ADGRV1: variants seen among roughly 807,000 people sequenced by gnomAD.
The protein encoded by ADGRV1 is G-protein coupled receptor 98.
ADGRV1 carries 359 observed loss-of-function variants against 596.2 expected under a neutral mutation model. The ratio of observed to expected loss-of-function variants is 0.60; its 90% CI spans 0.55 to 0.66. The LOEUF (loss-of-function observed/expected upper bound fraction) is 0.66. Ranked by LOEUF, ADGRV1 falls within the 30% of genes least tolerant of loss-of-function variation. The pLI is 0.00. For synonymous variants in ADGRV1, 2,681 were observed against 2,679.2 expected (o/e 1.00, Z -0.02); for missense variants, 7,274 against 7,575.6 (o/e 0.96, Z 1.48).
chr5:90,858,298 G>A (rs896809206), intron 82 of ADGRV1, among the ~76,000 whole-genome samples: 6 of 152,162 alleles, frequency 3.9e-5, no homozygotes, highest in Non-Finnish European at 5.9e-5. Flanking sequence ...TAATTTTGTA[G>A]TATAATTATT....
chr5:90,568,111 T>C (rs1283471389), intron 1 of ADGRV1, among the ~76,000 whole-genome samples: 1 of 152,166 alleles, frequency 6.6e-6, no homozygotes, highest in Non-Finnish European at 1.5e-5. Context: ...TTCTATATTT[T>C]ATTTGTTCCC....
chr5:90,880,744 A>G (rs1769682591), intron 83 of ADGRV1, among the ~76,000 whole-genome samples: 1 of 152,202 alleles, frequency 6.6e-6, no homozygotes. Context: ...ACGTGCACAA[A>G]CTTGTAACAA....
rs774530431 is a variant in ADGRV1, at chr5:90,646,025, A to G, written c.2956A>G (p.Lys986Glu). Residue 986 changes from lysine to glutamate, a missense_variant, in exon 16 of 90, where the codon AAA (lysine) becomes GAA (glutamate). This residue lies in a region of ADGRV1 where 1,715 missense variants were observed against 1,708.8 expected (regional missense o/e 1.00). Transcript: ENST00000405460. ...VILLNGTGGA[K>E]VGNRTTATLR... ...CCTACTGAATGGCACTGGAGGAGCT[A>G]AAGTGGGAAATAGAACAACTGCAAC... 7.7e-5 allele frequency: 124 copies of G among 1,606,960 alleles called. No individual in the cohort carries two copies. Among genetic ancestry groups the G allele is most frequent in the Non-Finnish European group, 1.0e-4 (118 of 1,176,012 alleles).
chr5:91,021,727 G>A (rs1783647127), intron 85 of ADGRV1, among the ~76,000 whole-genome samples: 1 of 152,028 alleles, frequency 6.6e-6, no homozygotes, highest in Non-Finnish European at 1.5e-5. Flanking sequence ...ATTGTTTCTG[G>A]TGTGGCACAG....
chr5:90,798,171 CTGCT>C (rs1420926054), intron 70 of ADGRV1, among the ~76,000 whole-genome samples: 3 of 152,190 alleles, frequency 2.0e-5, no homozygotes, highest in Non-Finnish European at 2.9e-5. Flanking sequence ...AATAGATTGA[CTGCT>C]AGCCAGACTA....
intron 52 of ADGRV1, among the ~76,000 whole-genome samples, chr5:90,750,330 A>G (rs1005487029): frequency 2.0e-5 from 3 of 152,230 alleles, no homozygotes; most frequent in Non-Finnish European, 2.9e-5. Context: ...TAAAATAATT[A>G]ACATTTTTGC....
At chr5:91,089,813 A>G (rs1388214950) in intron 86 of ADGRV1, among the ~76,000 whole-genome samples, 1 of 152,192 alleles carries the variant, frequency 6.6e-6, no homozygotes, top group Non-Finnish European at 1.5e-5. Flanking sequence ...AGCCAGATTC[A>G]AAATACAGAC....
intron 85 of ADGRV1, among the ~76,000 whole-genome samples, chr5:91,000,702 G>GTGTGTGTA (rs2151105401): frequency 6.6e-6 from 1 of 151,658 alleles, no homozygotes; most frequent in Non-Finnish European, 1.5e-5. Flanking sequence ...GTGTGTGTGT[G>GTGTGTGTA]TGTGTGTTTA....
At chr5:90,896,195 G>A (rs76004104) in intron 83 of ADGRV1, among the ~76,000 whole-genome samples, 30,441 of 147,656 alleles carry the variant, frequency 0.21, 5,004 homozygotes, top group African/African-American at 0.45. Context: ...CTTTATGTTT[G>A]TTGGTCTTAC....
At chr5:91,105,233 A>T (rs144821444) in intron 87 of ADGRV1, among the ~76,000 whole-genome samples, 81 of 152,140 alleles carry the variant, frequency 5.3e-4, no homozygotes, top group African/African-American at 1.9e-3. Flanking sequence ...CTGTCCATTC[A>T]TTGGTTGTTG....
chr5:90,928,241 C>G (rs945740605), intron 83 of ADGRV1, among the ~76,000 whole-genome samples: 1 of 152,040 alleles, frequency 6.6e-6, no homozygotes, highest in Non-Finnish European at 1.5e-5. Context: ...CACCTTGGTT[C>G]CATTCTCCCC....
rs1765419500 is a variant in ADGRV1 at position 90,630,958 on chromosome 5, C to T, written c.1839+1419C>T. 2.0e-5 allele frequency among the ~76,000 whole-genome samples: 3 copies of T among 152,034 alleles called. No individual in the cohort carries two copies. In the South Asian group the frequency reaches 6.2e-4, roughly 32 times the overall value. ...TGAATTTTCTTGATCTGTTGCGTTT[C>T]TCTTTTGGGATTATGCTGTAGTTTT... On this transcript the variant is annotated intron_variant, in intron 9 of 89. Coordinates refer to ENST00000405460, the MANE Select transcript of ADGRV1 (RefSeq NM_032119.4).
chr5:90,635,363 G>C, intron 10 of ADGRV1, 73 bp downstream of exon 10: 1 of 1,346,564 alleles, frequency 7.4e-7, no homozygotes, highest in South Asian at 1.5e-5. Flanking sequence ...TTTAAAATAA[G>C]ATCAGCATAT....
Position 90,745,205 on chromosome 5 carries a change from G to A in ADGRV1, c.10709G>A (p.Gly3570Glu), listed in dbSNP as rs758777594. 6.2e-7 allele frequency: 1 copy of A among 1,611,964 alleles called. No individual in the cohort carries two copies. The highest frequency in any genetic ancestry group is 8.5e-7 in the Non-Finnish European group (1 of 1,179,656). The change falls in exon 51 of 90, where the codon GGA becomes GAA. Residue 3570 changes from glycine (G) to glutamate (E), a missense_variant. Physicochemically the swap from Gly to Glu is moderately conservative, Grantham distance 98. Coordinates refer to ENST00000405460, the MANE Select transcript of ADGRV1 (RefSeq NM_032119.4). ...AGCAAGAATTTAATAGCTCTAGTGGGAGCTCATTCACATATATATGAGCTA... is the reference window on the plus strand; with the variant it reads ...AGCAAGAATTTAATAGCTCTAGTGGAAGCTCATTCACATATATATGAGCTA... ...NSSKNLIALV[G>E]AHSHIYELAY... is the part of the protein sequence containing the mutation.
At chr5:90,626,882 A>G (rs1365922849) in intron 6 of ADGRV1, among the ~76,000 whole-genome samples, 1 of 152,230 alleles carries the variant, frequency 6.6e-6, no homozygotes, top group Non-Finnish European at 1.5e-5. Context: ...TATCAAACTG[A>G]TAAAACTGAT....
At chr5:90,830,767 A>G (rs745502331) in intron 77 of ADGRV1, among the ~76,000 whole-genome samples, 6 of 152,152 alleles carry the variant, frequency 3.9e-5, no homozygotes, top group Non-Finnish European at 7.4e-5. Flanking sequence ...GAGTACCCAT[A>G]TATCTGGTCA....
chr5:91,065,219 T>G (rs1024193781), intron 85 of ADGRV1, among the ~76,000 whole-genome samples: 3 of 152,142 alleles, frequency 2.0e-5, no homozygotes, highest in Non-Finnish European at 4.4e-5. Context: ...AAGAAAAAGT[T>G]GAAGTGACAA....
In ADGRV1 at chr5:90,823,486, CAGA is replaced by C; in HGVS notation, c.16261_16263del (p.Lys5421del). On this transcript the variant is annotated inframe_deletion, in exon 76 of 90. Transcript: ENST00000405460. ...ACTTAACAAAACAGTCGTCGTGCTC[CAGA>C]AGGATGGGGTAAACCTGGTGGAGGA... 2 of 1,613,878 alleles carry C rather than the reference CAGA, an allele frequency of 1.2e-6. No individual in the cohort carries two copies. The highest frequency in any genetic ancestry group is 8.5e-7 in the Non-Finnish European group (1 of 1,179,842).
intron 85 of ADGRV1, among the ~76,000 whole-genome samples, chr5:91,034,460 T>C (rs534649905): frequency 7.4e-4 from 113 of 152,272 alleles, no homozygotes; most frequent in African/African-American, 2.5e-3. Flanking sequence ...AAAGAATGTG[T>C]TTTTAGAAGT....
Sources: allele counts gnomAD v4.1 joint callset (sites outside exome capture counted in the v4.1 genomes callset), GRCh38; gene constraint gnomAD v4.1.1; regional missense constraint gnomAD v4.1.1; transcripts MANE v1.5; gene names NCBI Gene and HGNC (gene_info 2026-07-23, HGNC 2026-07-21).